Variants in PDE1C observed in about 807,000 individuals in gnomAD.
PDE1C encodes phosphodiesterase 1C.
In PDE1C, 62 loss-of-function variants were observed where a neutral mutation model predicts 93.1. The observed-to-expected ratio is 0.67, with a 90% CI of 0.54 to 0.82. The LOEUF is 0.82. Ranked by LOEUF, PDE1C falls within the 40% of genes least tolerant of loss-of-function variation. The pLI is 0.00. For synonymous variants in PDE1C, 325 were observed against 310.1 expected, an observed-to-expected ratio of 1.05 and a Z score of -0.50; for missense variants, 742 against 884.6, an observed-to-expected ratio of 0.84 and a Z score of 2.04.
intron 2 of PDE1C, among the ~76,000 whole-genome samples, chr7:32,022,558 C>A (rs934571631): frequency 2.6e-5 from 4 of 151,908 alleles, no homozygotes. Flanking sequence ...AAGGTGGTAT[C>A]GGGCCCCTTT....
chr7:31,932,207 A>C (rs146160050), intron 2 of PDE1C, among the ~76,000 whole-genome samples: 5,118 of 152,274 alleles, frequency 0.034, 280 homozygotes, highest in African/African-American at 0.12. Flanking sequence ...AGAAGCCAAA[A>C]TTGACAAATA....
At chr7:31,816,971 A>G (rs1273971927) in intron 14 of PDE1C, among the ~76,000 whole-genome samples, 1 of 152,204 alleles carries the variant, frequency 6.6e-6, no homozygotes, top group Admixed American at 6.6e-5. Context: ...ATTTATGAAA[A>G]GATTGGTTCA....
In PDE1C at chr7:32,118,477, C is replaced by T. The variant is rs192384839; in HGVS notation, c.308+51308G>A. Among the ~76,000 whole-genome samples the T allele has an allele frequency of 1.3e-3, 202 of 152,294 alleles. 2 individuals are homozygous for T. Among genetic ancestry groups the T allele is most frequent in the Admixed American group, 2.2e-3 (34 of 15,296 alleles). ...TTTATTTTCAAAAATAAAAATAAAA[C>T]GTGACCTTCCTTTACCTTATCTTAT... is the stretch of plus-strand genomic sequence containing the variant. On this transcript the variant is annotated intron_variant, in intron 3 of 18. Transcript: ENST00000396193.
At chr7:31,965,369 C>T (rs570850245) in intron 2 of PDE1C, among the ~76,000 whole-genome samples, 19 of 151,540 alleles carry the variant, frequency 1.3e-4, no homozygotes, top group South Asian at 4.2e-4. Flanking sequence ...TGATGGAAGA[C>T]GAAATGAATG....
intron 2 of PDE1C, among the ~76,000 whole-genome samples, chr7:32,193,102 A>G (rs1405500859): frequency 6.6e-6 from 1 of 152,068 alleles, no homozygotes; most frequent in African/African-American, 2.4e-5. Flanking sequence ...TGCAAAAGGG[A>G]CAATTTTACT....
chr7:31,819,039 C>T (rs889953812), intron 14 of PDE1C, among the ~76,000 whole-genome samples: 1 of 152,076 alleles, frequency 6.6e-6, no homozygotes, highest in Non-Finnish European at 1.5e-5. Context: ...CTGTAGCTAT[C>T]GGGCAATTCA....
At chr7:32,392,598 A>C (rs1784771097) in intron 1 of PDE1C, among the ~76,000 whole-genome samples, 1 of 152,186 alleles carries the variant, frequency 6.6e-6, no homozygotes, top group African/African-American at 2.4e-5. Flanking sequence ...CTTACAACCC[A>C]GTGAGATTTA....
chr7:32,072,206 T>C (rs952000988), upstream of PDE1C, among the ~76,000 whole-genome samples: 4 of 152,190 alleles, frequency 2.6e-5, no homozygotes, highest in African/African-American at 9.7e-5. Context: ...GCTGGCCCCA[T>C]GCATTCTAGC....
intron 7 of PDE1C, among the ~76,000 whole-genome samples, chr7:31,857,983 A>C (rs1359355060): frequency 6.6e-6 from 1 of 152,190 alleles, no homozygotes; most frequent in African/African-American, 2.4e-5. Context: ...AACTAGAAGG[A>C]CATATCGGAA....
At chr7:31,638,728 T>TTTTTATAAAAACCC in the PDE1C span, among the ~76,000 whole-genome samples, 2 of 152,066 alleles carry the variant, frequency 1.3e-5, no homozygotes, top group Admixed American at 1.3e-4. Context: ...ATTTTAAGGG[T>TTTTTATAAAAACCC]TTTTATAAAA....
rs1431161625 is a variant in PDE1C, at chr7:32,112,828, GTGTGTGTGTGTGTGTGTGTATA to G, written c.308+56935_308+56956del. ...TATGTGTGTGTGTGTGTGTGTGTGT[GTGTGTGTGTGTGTGTGTGTATA>G]TATATATATATATATATATATATCT... On this transcript the variant is annotated intron_variant, in intron 3 of 18. Coordinates refer to the PDE1C transcript ENST00000396193. Among the ~76,000 whole-genome samples the G allele has an allele frequency of 1.6e-3, 138 of 85,432 alleles. 1 individual carries two copies. The highest frequency in any genetic ancestry group is 4.8e-3 in the Admixed American group (39 of 8,188). The allele number at this position is 85,432 out of a possible 152,430, so 56.0% of individuals were successfully genotyped here.
rs796122014 is a variant in PDE1C, at chr7:32,341,173, C to CTATTTTTTATTTTTTTTTT, written c.310+86648_310+86649insAAAAAAAAAATAAAAAATA. ...CCTAAAACTACTCTAGAAATAAAGT[C>CTATTTTTTATTTTTTTTTT]TTTTTTTTTTTTTTTTTTTTGAGAC... On this transcript the variant is annotated intron_variant, in intron 1 of 1. Coordinates refer to the PDE1C transcript ENST00000672256. Among the ~76,000 whole-genome samples the CTATTTTTTATTTTTTTTTT allele has an allele frequency of 2.3e-3, 196 of 84,932 alleles. 5 individuals are homozygous for CTATTTTTTATTTTTTTTTT. The highest frequency in any genetic ancestry group is 0.014 in the South Asian group (23 of 1,666). The allele number at this position is 84,932 out of a possible 152,430, so 55.7% of individuals were successfully genotyped here.
rs528075205 is a variant in PDE1C, at chr7:32,357,191, G to A, written c.310+70631C>T. ...AATAAAAATACAAAAAAAATTAGCCGGGCATGGTGGCAGGTGCCTGTAGTC... is the reference window on the plus strand; with the variant it reads ...AATAAAAATACAAAAAAAATTAGCCAGGCATGGTGGCAGGTGCCTGTAGTC... On this transcript the variant is annotated intron_variant, in intron 1 of 1. Coordinates refer to the PDE1C transcript ENST00000672256. Among the ~76,000 whole-genome samples the A allele has an allele frequency of 5.8e-4, 88 of 152,128 alleles. 1 individual carries two copies. The highest frequency in any genetic ancestry group is 6.8e-3 in the Middle Eastern group (2 of 294).
At chr7:32,043,213 A>T (rs889275358) in intron 2 of PDE1C, among the ~76,000 whole-genome samples, 1 of 152,180 alleles carries the variant, frequency 6.6e-6, no homozygotes, top group Non-Finnish European at 1.5e-5. Context: ...CACCTACTCC[A>T]TTGGACCAGT....
intron 1 of PDE1C, among the ~76,000 whole-genome samples, chr7:32,420,828 C>T (rs1300628674): frequency 1.3e-5 from 2 of 152,020 alleles, no homozygotes; most frequent in East Asian, 1.9e-4. Flanking sequence ...GTAAGATTTG[C>T]TCATTAGCTT....
chr7:31,851,890 G>T (rs1793384726), intron 7 of PDE1C, among the ~76,000 whole-genome samples: 1 of 152,172 alleles, frequency 6.6e-6, no homozygotes, highest in African/African-American at 2.4e-5. Flanking sequence ...TCTGCACTCA[G>T]TTTGCTTCAT....
chr7:31,863,946 T>C (rs1794977010), intron 7 of PDE1C, among the ~76,000 whole-genome samples: 1 of 152,152 alleles, frequency 6.6e-6, no homozygotes, highest in South Asian at 2.1e-4. Flanking sequence ...TTCAGTGAGA[T>C]ATTAGGCCAA....
intron 2 of PDE1C, among the ~76,000 whole-genome samples, chr7:31,997,216 T>C (rs1563163871): frequency 6.6e-6 from 1 of 152,196 alleles, no homozygotes; most frequent in Admixed American, 6.5e-5. Context: ...TTGGACAAAT[T>C]ACTTAAGCAC....
chr7:32,054,900 G>C (rs767101778), intron 1 of PDE1C, among the ~76,000 whole-genome samples: 5 of 152,108 alleles, frequency 3.3e-5, no homozygotes, highest in Non-Finnish European at 5.9e-5. Flanking sequence ...AGATTGGTGA[G>C]GCCTGACTGA....
Sources: allele counts gnomAD v4.1 joint callset (sites outside exome capture counted in the v4.1 genomes callset), GRCh38; gene constraint gnomAD v4.1.1; transcripts MANE v1.5; gene names NCBI Gene and HGNC (gene_info 2026-07-23, HGNC 2026-07-21).